Variants in ADAMTS19 observed in about 807,000 individuals in gnomAD.
The protein encoded by ADAMTS19 is ADAM metallopeptidase with thrombospondin type 1 motif 19, also known as A disintegrin and metalloproteinase with thrombospondin motifs 19.
Under a neutral mutation model 153.3 loss-of-function variants are expected in ADAMTS19, and 93 were observed. That is an observed-to-expected ratio of 0.61 (90% CI 0.51 to 0.72). The LOEUF is 0.72. Ranked by LOEUF, ADAMTS19 falls within the 30% of genes least tolerant of loss-of-function variation. The pLI, the probability that ADAMTS19 is intolerant of heterozygous loss-of-function variation, is 0.00. For synonymous variants in ADAMTS19, 600 were observed against 556.6 expected (o/e 1.08, Z -1.10); for missense variants, 1,482 against 1,552.1 (o/e 0.95, Z 0.76).
At chr5:129,689,063 C>G (rs1184609686) in intron 18 of ADAMTS19, among the ~76,000 whole-genome samples, 1 of 152,028 alleles carries the variant, frequency 6.6e-6, no homozygotes, top group Non-Finnish European at 1.5e-5. Flanking sequence ...TTGTTTTGAT[C>G]TAGTGAATAG....
chr5:129,630,698 C>A (rs1232212398), intron 10 of ADAMTS19, among the ~76,000 whole-genome samples: 2 of 151,246 alleles, frequency 1.3e-5, no homozygotes, highest in Non-Finnish European at 3.0e-5. Flanking sequence ...GGAGCATGAA[C>A]CATAAAAGAA....
chr5:129,608,090 A>ATGTGTGTGTG (rs747075161), intron 8 of ADAMTS19, among the ~76,000 whole-genome samples: 28 of 104,536 alleles, frequency 2.7e-4, no homozygotes, highest in African/African-American at 1.1e-3. Context: ...TTTTATATAT[A>ATGTGTGTGTG]TGTGTGTGTG....
chr5:129,648,930 C>G lies in ADAMTS19; in HGVS notation c.2136C>G (p.Ser712=). 1 of 1,612,420 alleles carries G rather than the reference C, an allele frequency of 6.2e-7. No individual in the cohort carries two copies. Among genetic ancestry groups the G allele is most frequent in the Non-Finnish European group, 8.5e-7 (1 of 1,178,910 alleles). ...QCQAYSVRTS[S]PKHILQWQAV... is the part of the protein sequence containing the mutation. ...AGGCTTATAGTGTTAGAACTTCCTCCCCAAAGCATATACTTCAGTGGCAAG... is the reference window on the plus strand; with the variant it reads ...AGGCTTATAGTGTTAGAACTTCCTCGCCAAAGCATATACTTCAGTGGCAAG... Residue 712 remains serine, a synonymous_variant, in exon 13 of 23, where the codon TCC becomes TCG. Transcript: ENST00000274487.
At chr5:129,561,630 G>A (rs1296092879) in intron 7 of ADAMTS19, among the ~76,000 whole-genome samples, 1 of 152,034 alleles carries the variant, frequency 6.6e-6, no homozygotes, top group Non-Finnish European at 1.5e-5. Context: ...TTGTGGAATG[G>A]GACAATGTAG....
chr5:129,702,941 A>AAAATATATATATAT, intron 20 of ADAMTS19, among the ~76,000 whole-genome samples: 4 of 29,306 alleles, frequency 1.4e-4, no homozygotes, highest in African/African-American at 3.4e-4. Flanking sequence ...AAAAAAAAAA[A>AAAATATATATATAT]ATATATATAT....
chr5:129,484,183 T>C (rs1750513927), intron 2 of ADAMTS19, among the ~76,000 whole-genome samples: 1 of 152,230 alleles, frequency 6.6e-6, no homozygotes, highest in South Asian at 2.1e-4. Context: ...CTTTAAATGC[T>C]GTACCCAGAT....
intron 2 of ADAMTS19, among the ~76,000 whole-genome samples, chr5:129,502,777 C>T (rs1384072511): frequency 6.6e-6 from 1 of 152,176 alleles, no homozygotes; most frequent in Admixed American, 6.6e-5. Context: ...AGGAAGACTA[C>T]ATTTGAGCAC....
At chr5:129,704,444 G>A (rs1356473276) in intron 21 of ADAMTS19, 53 bp downstream of exon 21, 5 of 1,576,522 alleles carry the variant, frequency 3.2e-6, no homozygotes, top group Admixed American at 1.8e-5. Context: ...TGTCAGCATT[G>A]CCCTGGGTAC....
At chr5:129,507,092 A>T (rs111445317) in intron 2 of ADAMTS19, among the ~76,000 whole-genome samples, 30 of 152,066 alleles carry the variant, frequency 2.0e-4, no homozygotes, top group African/African-American at 7.2e-4. Flanking sequence ...TATAAACCTA[A>T]CCATGTTTAT....
intron 21 of ADAMTS19, among the ~76,000 whole-genome samples, chr5:129,722,369 T>C (rs527245120): frequency 6.6e-6 from 1 of 152,316 alleles, no homozygotes; most frequent in South Asian, 2.1e-4. Flanking sequence ...GAGCTTTTTT[T>C]CATGTTTGTT....
chr5:129,546,138 A>G (rs919014118), intron 6 of ADAMTS19, among the ~76,000 whole-genome samples: 1 of 149,238 alleles, frequency 6.7e-6, no homozygotes, highest in Admixed American at 6.6e-5. Flanking sequence ...TCGCAAGAAC[A>G]AAAAACCAAA....
intron 2 of ADAMTS19, among the ~76,000 whole-genome samples, chr5:129,508,315 C>T (rs1367447488): frequency 2.0e-5 from 3 of 151,886 alleles, no homozygotes; most frequent in Non-Finnish European, 4.4e-5. Context: ...ATAGCATGTT[C>T]TTTCATGTGG....
chr5:129,639,814 A>G (rs1239873072), intron 10 of ADAMTS19, among the ~76,000 whole-genome samples: 1 of 152,168 alleles, frequency 6.6e-6, no homozygotes, highest in Non-Finnish European at 1.5e-5. Flanking sequence ...TGACCCCATA[A>G]TTATCAAACA....
At chr5:129,670,525 A>C (rs1754255279) in intron 16 of ADAMTS19, among the ~76,000 whole-genome samples, 1 of 152,148 alleles carries the variant, frequency 6.6e-6, no homozygotes. Context: ...GAAGCTGTGA[A>C]TCTAGATTTG....
chr5:129,496,985 TGATG>T (rs1037146964), intron 2 of ADAMTS19, among the ~76,000 whole-genome samples: 2 of 152,134 alleles, frequency 1.3e-5, no homozygotes, highest in African/African-American at 4.8e-5. Flanking sequence ...TGGAGAATCC[TGATG>T]GATGAAGACA....
At chr5:129,478,554 G>A (rs1359449963) in intron 2 of ADAMTS19, among the ~76,000 whole-genome samples, 2 of 151,756 alleles carry the variant, frequency 1.3e-5, no homozygotes, top group African/African-American at 4.8e-5. Flanking sequence ...TTTTTTGTTT[G>A]TTTGTTTTTA....
At chr5:129,567,797 T>G (rs1192550470) in intron 7 of ADAMTS19, among the ~76,000 whole-genome samples, 2 of 151,820 alleles carry the variant, frequency 1.3e-5, no homozygotes, top group Non-Finnish European at 2.9e-5. Flanking sequence ...GAAAAAAATT[T>G]AAACCATCAG....
intron 8 of ADAMTS19, among the ~76,000 whole-genome samples, chr5:129,616,054 A>T (rs749128948): frequency 1.3e-5 from 2 of 151,908 alleles, no homozygotes. Context: ...TTAACCTCTA[A>T]TTTTTTACCT....
intron 15 of ADAMTS19, among the ~76,000 whole-genome samples, chr5:129,664,196 C>G (rs1288738690): frequency 1.3e-5 from 2 of 152,126 alleles, no homozygotes; most frequent in African/African-American, 4.8e-5. Flanking sequence ...AGAGAATTAA[C>G]CATATCATTT....
Sources: gnomAD v4.1 joint callset for allele counts (sites outside exome capture counted in the v4.1 genomes callset) on GRCh38, gnomAD v4.1.1 for gene constraint, MANE v1.5 for transcripts, NCBI Gene and HGNC (gene_info 2026-07-23, HGNC 2026-07-21) for gene names.